Variants in DLGAP1 observed in about 807,000 individuals in gnomAD.
DLGAP1 encodes DLG associated protein 1.
In DLGAP1, 11 loss-of-function variants were observed where a neutral mutation model predicts 90.8. That is an observed-to-expected ratio of 0.12 (90% CI 0.08 to 0.20). DLGAP1 has a LOEUF of 0.20. Ranked by LOEUF, DLGAP1 falls within the 10% of genes least tolerant of loss-of-function variation. DLGAP1 has a pLI of 1.00. For missense variants in DLGAP1, 1,050 were observed against 1,333.8 expected, an observed-to-expected ratio of 0.79 and a Z score of 3.31; for synonymous variants, 558 against 540.7, an observed-to-expected ratio of 1.03 and a Z score of -0.44.
intron 1 of DLGAP1, among the ~76,000 whole-genome samples, chr18:4,258,010 T>TGTGTGTGTGCGC (rs529531621): frequency 1.5e-4 from 21 of 137,108 alleles, no homozygotes; most frequent in African/African-American, 6.1e-4. Flanking sequence ...TGTGTGTGTG[T>TGTGTGTGTGCGC]GCGCGCGCGC....
At chr18:4,088,652 G>C (rs991884221) in intron 2 of DLGAP1, among the ~76,000 whole-genome samples, 11 of 152,052 alleles carry the variant, frequency 7.2e-5, no homozygotes, top group Non-Finnish European at 1.3e-4. Flanking sequence ...TTTTTAACCT[G>C]AATTCTGAGT....
intron 1 of DLGAP1, among the ~76,000 whole-genome samples, chr18:4,274,970 A>T (rs1246679228): frequency 2.6e-5 from 4 of 152,218 alleles, no homozygotes; most frequent in Non-Finnish European, 5.9e-5. Flanking sequence ...TTGAAATTTA[A>T]GAAATAATCT....
chr18:3,584,185 G>T (rs756639665), intron 7 of DLGAP1, among the ~76,000 whole-genome samples: 2 of 152,164 alleles, frequency 1.3e-5, no homozygotes, highest in Non-Finnish European at 2.9e-5. Flanking sequence ...TGGGACTCCG[G>T]TCAGTGAAGC....
intron 5 of DLGAP1, among the ~76,000 whole-genome samples, chr18:3,757,916 C>T (rs2063783654): frequency 6.6e-6 from 1 of 151,998 alleles, no homozygotes; most frequent in African/African-American, 2.4e-5. Flanking sequence ...AAATTCAAGA[C>T]CAGCCTGGCC....
intron 5 of DLGAP1, among the ~76,000 whole-genome samples, chr18:3,749,009 G>T (rs1196062534): frequency 6.6e-6 from 1 of 152,118 alleles, no homozygotes; most frequent in East Asian, 1.9e-4. Flanking sequence ...GTTAGATAAA[G>T]AAATCATGAC....
intron 2 of DLGAP1, chr18:4,013,531 C>T (rs2074467124): frequency 6.6e-6 from 1 of 152,216 alleles, no homozygotes; most frequent in South Asian, 2.1e-4. Context: ...GAGGCTTTCT[C>T]TGCTTTTGTG....
At chr18:3,691,723 G>A (rs2060903869) in intron 7 of DLGAP1, among the ~76,000 whole-genome samples, 1 of 152,072 alleles carries the variant, frequency 6.6e-6, no homozygotes. Flanking sequence ...AACAGCCTGG[G>A]CAACATGGTG....
At chr18:3,887,592 T>G (rs1284378646) in intron 3 of DLGAP1, among the ~76,000 whole-genome samples, 1 of 152,200 alleles carries the variant, frequency 6.6e-6, no homozygotes, top group Admixed American at 6.5e-5. Flanking sequence ...CAGACCTCCT[T>G]GCTCACACAT....
chr18:4,307,501 C>T (rs1568504188), intron 1 of DLGAP1, among the ~76,000 whole-genome samples: 1 of 152,122 alleles, frequency 6.6e-6, no homozygotes, highest in Non-Finnish European at 1.5e-5. Flanking sequence ...ACACAATATT[C>T]TAGGTGCTTT....
At chr18:3,953,031 T>A (rs957322339) in intron 3 of DLGAP1, among the ~76,000 whole-genome samples, 4 of 152,208 alleles carry the variant, frequency 2.6e-5, no homozygotes, top group African/African-American at 9.7e-5. Context: ...ATTAGTTGTA[T>A]ATCGAATATG....
intron 2 of DLGAP1, among the ~76,000 whole-genome samples, chr18:4,099,987 G>T (rs1440951961): frequency 1.3e-5 from 2 of 151,666 alleles, no homozygotes; most frequent in African/African-American, 4.9e-5. Flanking sequence ...CAAAGTGCTG[G>T]GACTACAGGT....
intron 1 of DLGAP1, among the ~76,000 whole-genome samples, chr18:4,418,929 A>G (rs1242852022): frequency 1.3e-5 from 2 of 152,146 alleles, no homozygotes; most frequent in Non-Finnish European, 2.9e-5. Context: ...ACCCAGGTAT[A>G]TCATATTCAA....
chr18:3,800,895 A>C (rs1477094120), intron 5 of DLGAP1, among the ~76,000 whole-genome samples: 2 of 152,200 alleles, frequency 1.3e-5, no homozygotes, highest in Non-Finnish European at 2.9e-5. Flanking sequence ...GGGTCACTAG[A>C]AAGAAATACT....
chr18:4,214,532 A>G (rs1372434088), intron 1 of DLGAP1, among the ~76,000 whole-genome samples: 4 of 152,166 alleles, frequency 2.6e-5, no homozygotes, highest in East Asian at 1.9e-4. Flanking sequence ...GTGGAGGCAG[A>G]GGGTACACAC....
At chr18:4,430,631 T>G (rs1462612683) in intron 1 of DLGAP1, 1 of 152,124 alleles carries the variant, frequency 6.6e-6, no homozygotes, top group Non-Finnish European at 1.5e-5. Context: ...TATACATTTA[T>G]GTGAGAGTGA....
intron 1 of DLGAP1, among the ~76,000 whole-genome samples, chr18:4,395,748 C>T (rs780455796): frequency 6.6e-6 from 1 of 152,162 alleles, no homozygotes; most frequent in African/African-American, 2.4e-5. Flanking sequence ...AATAATAAAA[C>T]TCCTAATTTG....
chr18:4,067,045 T>G (rs533218407), intron 2 of DLGAP1, among the ~76,000 whole-genome samples: 152 of 151,950 alleles, frequency 1.0e-3, no homozygotes, highest in Non-Finnish European at 1.8e-3. Context: ...CGGAGCAGGG[T>G]GCCATTATCC....
intron 10 of DLGAP1, among the ~76,000 whole-genome samples, chr18:3,522,309 G>C (rs546343536): frequency 1.1e-4 from 17 of 151,722 alleles, no homozygotes; most frequent in African/African-American, 3.9e-4. Context: ...GCTAATTTTT[G>C]TATTTTTAGT....
At chr18:4,114,304 G>C (rs1189249441) in intron 2 of DLGAP1, among the ~76,000 whole-genome samples, 1 of 151,950 alleles carries the variant, frequency 6.6e-6, no homozygotes, top group Non-Finnish European at 1.5e-5. Flanking sequence ...TCTCCTTGTA[G>C]AGATCTTTCA....
Sources: gnomAD v4.1 joint callset for allele counts (sites outside exome capture counted in the v4.1 genomes callset) on GRCh38, gnomAD v4.1.1 for gene constraint, MANE v1.5 for transcripts, NCBI Gene and HGNC (gene_info 2026-07-23, HGNC 2026-07-21) for gene names.